The following BCAS3 variants were observed in gnomAD, a reference collection of about 807,000 sequenced individuals.
The protein encoded by BCAS3 is BCAS4/BCAS3 fusion.
A neutral mutation model predicts 116.1 loss-of-function variants in BCAS3; 53 were observed. The observed-to-expected ratio is 0.46, with a 90% CI of 0.37 to 0.57. BCAS3 has a LOEUF of 0.57. Among genes scored for constraint, BCAS3 ranks in the 20% least tolerant of loss-of-function variants. BCAS3 has a pLI of 0.00. For synonymous variants in BCAS3, 391 were observed against 408.2 expected, an observed-to-expected ratio of 0.96 and a Z score of 0.51; for missense variants, 917 against 1,165.4, an observed-to-expected ratio of 0.79 and a Z score of 3.10.
chr17:60,714,265 G>T (rs1395297777), intron 5 of BCAS3, among the ~76,000 whole-genome samples: 3 of 152,134 alleles, frequency 2.0e-5, no homozygotes, highest in African/African-American at 7.2e-5. Context: ...ATCATGCCTG[G>T]CCATATATTT....
chr17:60,977,619 A>G (rs1193002654), intron 14 of BCAS3, among the ~76,000 whole-genome samples: 1 of 151,630 alleles, frequency 6.6e-6, no homozygotes, highest in African/African-American at 2.4e-5. Context: ...GTCATCTAGC[A>G]TTAGGTATAT....
intron 15 of BCAS3, among the ~76,000 whole-genome samples, chr17:61,015,269 G>C (rs781208791): frequency 6.6e-6 from 1 of 152,118 alleles, no homozygotes; most frequent in Non-Finnish European, 1.5e-5. Context: ...AGTCACACTT[G>C]GTGTTACCAG....
rs80109258 is a variant in BCAS3 at position 60,842,574 on chromosome 17, A to G, written c.477-26002A>G. On this transcript the variant is annotated intron_variant, in intron 7 of 23. Coordinates refer to ENST00000407086, the MANE Select transcript of BCAS3 (RefSeq NM_017679.5). ...TCCTTTTCTTTTGCCAATATTCTGC[A>G]TACTCTACGGGACATGATCTTCTGT... Among the ~76,000 whole-genome samples the G allele has an allele frequency of 3.7e-3, 558 of 152,180 alleles. 3 individuals are homozygous for G. Among genetic ancestry groups the G allele is most frequent in the East Asian group, 0.014 (73 of 5,172 alleles).
rs991176094 is a variant in BCAS3, at chr17:61,013,078, C to T, written c.1487-2673C>T. 2.0e-5 allele frequency among the ~76,000 whole-genome samples: 3 copies of T among 152,036 alleles called. No homozygotes were observed. Among genetic ancestry groups the T allele is most frequent in the Non-Finnish European group, 2.9e-5 (2 of 67,960 alleles). ...CCCAGAATATTCCTTCTCTCCTACC[C>T]TTATCCATATTTTGTCCAATTTTCA... On this transcript the variant is annotated intron_variant, in intron 15 of 23. Coordinates refer to ENST00000407086, the MANE Select transcript of BCAS3 (RefSeq NM_017679.5). This position sits in a 1 kb window ranked among gnomAD's most constrained non-coding sequence, Gnocchi z 4.4.
intron 11 of BCAS3, among the ~76,000 whole-genome samples, chr17:60,903,813 TGAGA>T (rs907611532): frequency 6.6e-6 from 1 of 152,226 alleles, no homozygotes; most frequent in Non-Finnish European, 1.5e-5. Context: ...AATGAAGAGC[TGAGA>T]GAGAGTATTT....
At chr17:60,951,790 T>TGG (rs2060849943) in intron 14 of BCAS3, among the ~76,000 whole-genome samples, 1 of 144,138 alleles carries the variant, frequency 6.9e-6, no homozygotes, top group Non-Finnish European at 1.5e-5. Flanking sequence ...TTTTTTTCTT[T>TGG]GGAGACGGAG....
At chr17:61,295,815 C>T (rs961108849) in intron 22 of BCAS3, among the ~76,000 whole-genome samples, 17 of 151,492 alleles carry the variant, frequency 1.1e-4, no homozygotes, top group African/African-American at 2.4e-5. Flanking sequence ...ATTAGCTGGG[C>T]GTGGTGATGC....
In BCAS3 at chr17:60,924,462, A is replaced by G; in HGVS notation, c.1049A>G (p.His350Arg). 6.2e-7 allele frequency: 1 copy of G among 1,612,206 alleles called. No homozygotes were observed. ...GGCATTGTGGCCCACTTCCCTGCCC[A>G]TGAGAAGCCAGTGTGCTGCATGGCT... The part of the protein sequence containing the change: ...SDGIVAHFPA[H>R]EKPVCCMAFN... The change falls in exon 13 of 24, where the codon CAT becomes CGT. Residue 350 changes from histidine to arginine, a missense_variant. His to Arg is a conservative substitution (Grantham distance 29). Coordinates refer to ENST00000407086, the MANE Select transcript of BCAS3 (RefSeq NM_017679.5).
chr17:61,313,554 G>T lies in BCAS3; in HGVS notation c.2426-54773G>T, dbSNP rs1186639547. On this transcript the variant is annotated intron_variant, in intron 22 of 23. Transcript: ENST00000407086. This position sits in a 1 kb window ranked among gnomAD's most constrained non-coding sequence, Gnocchi z 4.3. ...GAGAGGCCTGGCTGAACGGGGATTTGTGTGGGCCAGACAATGTAGGGGATT... is the reference window on the plus strand; with the variant it reads ...GAGAGGCCTGGCTGAACGGGGATTTTTGTGGGCCAGACAATGTAGGGGATT... 6.6e-6 allele frequency among the ~76,000 whole-genome samples: 1 copy of T among 152,188 alleles called. No homozygotes were observed. The highest frequency in any genetic ancestry group is 1.5e-5 in the Non-Finnish European group (1 of 68,030).
intron 21 of BCAS3, among the ~76,000 whole-genome samples, chr17:61,081,220 T>C (rs2072571340): frequency 6.6e-6 from 1 of 152,224 alleles, no homozygotes; most frequent in Non-Finnish European, 1.5e-5. Context: ...AGACACTGTC[T>C]CATTTTTTTT....
At chr17:60,738,319 CTAA>C in intron 5 of BCAS3, among the ~76,000 whole-genome samples, 1 of 152,144 alleles carries the variant, frequency 6.6e-6, no homozygotes, top group East Asian at 1.9e-4. Flanking sequence ...GTCTCTAACT[CTAA>C]TAGTGGATTC....
intron 6 of BCAS3, among the ~76,000 whole-genome samples, chr17:60,796,069 G>C (rs775463878): frequency 6.6e-6 from 1 of 152,156 alleles, no homozygotes; most frequent in Non-Finnish European, 1.5e-5. Flanking sequence ...CTGCATCCCT[G>C]ATATGAAACC....
intron 7 of BCAS3, among the ~76,000 whole-genome samples, chr17:60,817,836 C>T (rs2049569099): frequency 6.6e-6 from 1 of 151,028 alleles, no homozygotes; most frequent in Non-Finnish European, 1.5e-5. Flanking sequence ...TTTAAATTTA[C>T]TTTGAGAAAA....
At chr17:60,761,019 C>T (rs371775144) in intron 6 of BCAS3, among the ~76,000 whole-genome samples, 5 of 151,972 alleles carry the variant, frequency 3.3e-5, no homozygotes, top group African/African-American at 9.6e-5. Context: ...ATATATTTTG[C>T]ATTTTATTCA....
rs1469777609 is a variant in BCAS3 at position 61,013,838 on chromosome 17, C to A, written c.1487-1913C>A. The stretch of plus-strand genomic sequence containing the variant: ...GAAGAAGTAACATTTGGTTAAGCCA[C>A]TATCCTAATTCTGAAGCCACTGTCA... On this transcript the variant is annotated intron_variant, in intron 15 of 23. Coordinates refer to ENST00000407086, the MANE Select transcript of BCAS3 (RefSeq NM_017679.5). The surrounding 1 kb of genome is among the most constrained non-coding windows in gnomAD (Gnocchi z 4.4). Among the ~76,000 whole-genome samples, 1 of 152,082 alleles carries A rather than the reference C, an allele frequency of 6.6e-6. No individual in the cohort carries two copies. Among genetic ancestry groups the A allele is most frequent in the African/African-American group, 2.4e-5 (1 of 41,430 alleles).
At chr17:61,027,009 A>C (rs1305396066) in intron 16 of BCAS3, 1 of 990,890 alleles carries the variant, frequency 1.0e-6, no homozygotes, top group African/African-American at 1.6e-5. Flanking sequence ...GCCTGATCAC[A>C]GATAGATGCA....
rs1037178851 is a variant in BCAS3, at chr17:61,234,040, G to C, written c.2426-134287G>C. Among the ~76,000 whole-genome samples, 5 of 151,746 alleles carry C rather than the reference G, an allele frequency of 3.3e-5. No homozygotes were observed. The South Asian group carries it at 1.0e-3, about 32-fold the overall frequency. ...GCAAAAAAAGTGGTTCTAAATTGCA[G>C]AATGATTTAAGCTAGTAGAGGGTGC... On this transcript the variant is annotated intron_variant, in intron 22 of 23. Coordinates refer to ENST00000407086, the MANE Select transcript of BCAS3 (RefSeq NM_017679.5).
At chr17:61,232,121 C>T (rs2082718585) in intron 22 of BCAS3, among the ~76,000 whole-genome samples, 1 of 138,426 alleles carries the variant, frequency 7.2e-6, no homozygotes, top group African/African-American at 2.6e-5. Context: ...AGGAGAATGG[C>T]GTGAACCCGG....
chr17:60,790,346 T>C (rs945376652), intron 6 of BCAS3, among the ~76,000 whole-genome samples: 63 of 152,172 alleles, frequency 4.1e-4, no homozygotes, highest in Admixed American at 4.1e-3. Flanking sequence ...ATAATACAGG[T>C]ACAAACTGTA....
Sources: gnomAD v4.1 joint callset for allele counts (sites outside exome capture counted in the v4.1 genomes callset) on GRCh38, gnomAD v4.1.1 for gene constraint, Gnocchi (gnomAD v3.1) non-coding constraint, MANE v1.5 for transcripts, NCBI Gene and HGNC (gene_info 2026-07-23, HGNC 2026-07-21) for gene names.